PATJ: variants seen among roughly 807,000 people sequenced by gnomAD.
The protein encoded by PATJ is inaD-like protein.
Under a neutral mutation model 224.9 loss-of-function variants are expected in PATJ, and 190 were observed. That is an observed-to-expected ratio of 0.84 (90% CI 0.75 to 0.95). The LOEUF (loss-of-function observed/expected upper bound fraction) is 0.95, where lower values mean the gene tolerates loss of function less well. PATJ is among the 40% of genes least tolerant of loss of function. The probability of loss-of-function intolerance (pLI) is 0.00; values close to 1 mark genes in which losing one functional copy is unlikely to be tolerated. For missense variants in PATJ, 2,121 were observed against 2,270.3 expected, an observed-to-expected ratio of 0.93 and a Z score of 1.34; for synonymous variants, 769 against 820.3, an observed-to-expected ratio of 0.94 and a Z score of 1.07.
intron 22 of PATJ, among the ~76,000 whole-genome samples, chr1:61,889,881 C>T (rs752796236): frequency 1.4e-4 from 22 of 152,224 alleles, no homozygotes; most frequent in Non-Finnish European, 2.9e-4. Flanking sequence ...AATACCTTAG[C>T]TGAGTGGAGG....
intron 33 of PATJ, among the ~76,000 whole-genome samples, chr1:62,103,819 C>T: frequency 6.6e-6 from 1 of 151,968 alleles, no homozygotes; most frequent in East Asian, 1.9e-4. Flanking sequence ...TACGTAAAGC[C>T]TTATTGGTAG....
At chr1:61,785,483 C>A (rs938280523) in intron 7 of PATJ, among the ~76,000 whole-genome samples, 3 of 152,140 alleles carry the variant, frequency 2.0e-5, no homozygotes, top group Non-Finnish European at 2.9e-5. Context: ...GCTTTGTGAC[C>A]TTGGTCAAGT....
rs1571318146 is a variant in PATJ, at chr1:61,924,930, C to CAAACAAAAA, written c.3571-2800_3571-2799insAAACAAAAA. Among the ~76,000 whole-genome samples the CAAACAAAAA allele has an allele frequency of 1.1e-3, 58 of 54,312 alleles. 27 individuals are homozygous for CAAACAAAAA. Among genetic ancestry groups the CAAACAAAAA allele is most frequent in the African/African-American group, 6.2e-3 (58 of 9,316 alleles). The allele number at this position is 54,312 out of a possible 152,430, so 35.6% of individuals were successfully genotyped here. A position where few individuals can be genotyped will look rare whatever the true frequency, so the allele number is the denominator to read the frequency against. The stretch of plus-strand genomic sequence containing the variant: ...GTTCTTGTACAAAAAGACAGACAGG[C>CAAACAAAAA]GGCCGGGCGCGGTGGCTCACGCCTG... On this transcript the variant is annotated intron_variant, in intron 26 of 43. Transcript: ENST00000642238.
At chr1:61,756,453 C>A (rs529633237) in intron 1 of PATJ, among the ~76,000 whole-genome samples, 1 of 151,198 alleles carries the variant, frequency 6.6e-6, no homozygotes, top group Non-Finnish European at 1.5e-5. Flanking sequence ...ACTCTGAGAG[C>A]GGGACTCTGC....
intron 28 of PATJ, among the ~76,000 whole-genome samples, chr1:61,993,725 G>A (rs566277664): frequency 6.6e-6 from 1 of 152,266 alleles, no homozygotes; most frequent in South Asian, 2.1e-4. Flanking sequence ...CTCTGTGCCA[G>A]AAACTGCAAG....
chr1:62,142,811 G>A (rs1316556848), intron 41 of PATJ, among the ~76,000 whole-genome samples: 2 of 152,206 alleles, frequency 1.3e-5, no homozygotes, highest in Non-Finnish European at 2.9e-5. Flanking sequence ...ACTGGAATGT[G>A]GGGTGGAGTC....
Position 61,855,662 on chromosome 1 carries a change from C to T in PATJ, c.2113-368C>T, listed in dbSNP as rs552915612. Among the ~76,000 whole-genome samples, 30 of 152,276 alleles carry T rather than the reference C, an allele frequency of 2.0e-4. No homozygotes were observed. The South Asian group carries it at 6.0e-3, about 31-fold the overall frequency. Reference sequence around the variant, plus strand: ...ATCCTGGGCTCAAGCAATCCTCCTGCCTTGGCCTCCCAAAGTGCTGGGATT... The same window carrying T: ...ATCCTGGGCTCAAGCAATCCTCCTGTCTTGGCCTCCCAAAGTGCTGGGATT... On this transcript the variant is annotated intron_variant, in intron 17 of 43. Coordinates refer to ENST00000642238, the MANE Select transcript of PATJ (RefSeq NM_001350145.3).
At chr1:61,817,715 A>G (rs1656428775) in intron 14 of PATJ, among the ~76,000 whole-genome samples, 1 of 152,154 alleles carries the variant, frequency 6.6e-6, no homozygotes. Context: ...CAAAACATAA[A>G]TGAAGCTCTA....
chr1:61,934,998 A>G (rs1020561647), intron 27 of PATJ, among the ~76,000 whole-genome samples: 1 of 152,212 alleles, frequency 6.6e-6, no homozygotes, highest in Admixed American at 6.5e-5. Context: ...CTGAGAGAGA[A>G]GCGTCTATCC....
intron 27 of PATJ, among the ~76,000 whole-genome samples, chr1:61,945,909 A>G (rs1280448379): frequency 1.3e-5 from 2 of 152,252 alleles, no homozygotes; most frequent in African/African-American, 4.8e-5. Flanking sequence ...AGGATTAAGA[A>G]ACTCACTCAA....
At chr1:62,064,267 TG>T (rs1656026696) in intron 31 of PATJ, among the ~76,000 whole-genome samples, 1 of 152,200 alleles carries the variant, frequency 6.6e-6, no homozygotes, top group Non-Finnish European at 1.5e-5. Flanking sequence ...ATATGGTTTT[TG>T]TTTTTAGTCT....
intron 18 of PATJ, among the ~76,000 whole-genome samples, chr1:61,861,272 T>TTTTC (rs1316179214): frequency 1.5e-5 from 2 of 137,918 alleles, no homozygotes; most frequent in African/African-American, 5.4e-5. Context: ...AACCAGGATA[T>TTTTC]TTTCTTTCTT....
chr1:62,153,336 A>C, intron 42 of PATJ, 22 bp from the exon 43 acceptor site: 1 of 1,228,796 alleles, frequency 8.1e-7, no homozygotes, highest in Non-Finnish European at 1.0e-6. Flanking sequence ...CTCGAATTAA[A>C]CAGCATGCAT....
chr1:61,884,126 C>A, intron 21 of PATJ, 111 bp from the exon 22 acceptor site: 1 of 618,326 alleles, frequency 1.6e-6, no homozygotes, highest in Non-Finnish European at 2.7e-6. Context: ...TATTTTCAGT[C>A]TCCTACCTGG....
At position 61,763,099 on chromosome 1, in the gene PATJ, A is replaced by G. The variant is rs564523661; in HGVS notation, c.109A>G (p.Met37Val). 51 of 1,611,218 alleles carry G rather than the reference A, an allele frequency of 3.2e-5. No homozygotes were observed. In the South Asian group the frequency reaches 4.7e-4, roughly 15 times the overall value. The change falls in exon 3 of 44, where the codon ATG (methionine) becomes GTG (valine). Residue 37 changes from methionine (M) to valine (V), a missense_variant. Transcript: ENST00000642238. The part of the protein sequence containing the change: ...GDTSQNEKLS[M>V]FYETLKSPLF... ...CACGTCGCAGAATGAGAAGTTATCT[A>G]TGTTTTATGAGACACTAAAGAGTCC... is the stretch of plus-strand genomic sequence containing the variant.
At chr1:62,010,051 C>T (rs1477652974) in intron 28 of PATJ, among the ~76,000 whole-genome samples, 1 of 134,104 alleles carries the variant, frequency 7.5e-6, no homozygotes, top group Non-Finnish European at 1.6e-5. Flanking sequence ...CCATTGCACT[C>T]CAGCCTGGGG....
intron 29 of PATJ, among the ~76,000 whole-genome samples, chr1:62,023,477 C>T (rs1647207762): frequency 6.6e-6 from 1 of 152,128 alleles, no homozygotes; most frequent in Non-Finnish European, 1.5e-5. Flanking sequence ...GGAAAGAACA[C>T]AATTTCTGTC....
In PATJ at chr1:61,856,102, G is replaced by A; in HGVS notation, c.2185G>A (p.Gly729Arg). The A allele has an allele frequency of 6.2e-7, 1 of 1,613,998 alleles. No homozygotes were observed. The highest frequency in any genetic ancestry group is 8.5e-7 in the Non-Finnish European group (1 of 1,179,896). The change falls in exon 18 of 44, where the codon GGG (glycine) becomes AGG (arginine). Residue 729 changes from glycine (G) to arginine (R), a missense_variant. Gly to Arg is a moderately radical substitution (Grantham distance 125). Coordinates refer to ENST00000642238, the MANE Select transcript of PATJ (RefSeq NM_001350145.3). ...LVADGVAERS[G>R]GLLPGDRLVS... Reference sequence around the variant, plus strand: ...AGCAGATGGTGTAGCAGAAAGAAGTGGGGGACTATTACCTGGAGACCGCCT... The same window carrying A: ...AGCAGATGGTGTAGCAGAAAGAAGTAGGGGACTATTACCTGGAGACCGCCT...
chr1:62,009,585 T>C (rs1646305646), intron 28 of PATJ, among the ~76,000 whole-genome samples: 1 of 147,168 alleles, frequency 6.8e-6, no homozygotes. Context: ...AAGATAACAA[T>C]GACATTCGCC....
Sources: allele counts gnomAD v4.1 joint callset (sites outside exome capture counted in the v4.1 genomes callset), GRCh38; gene constraint gnomAD v4.1.1; transcripts MANE v1.5; gene names NCBI Gene and HGNC (gene_info 2026-07-23, HGNC 2026-07-21).